Variants in FBRSL1 observed in about 807,000 individuals in gnomAD.
FBRSL1 encodes the protein fibrosin-1-like protein.
Under a neutral mutation model 89.6 loss-of-function variants are expected in FBRSL1, and 51 were observed. That is an observed-to-expected ratio of 0.57 (90% CI 0.45 to 0.72). The LOEUF (loss-of-function observed/expected upper bound fraction) is 0.72. Among genes scored for constraint, FBRSL1 ranks in the 30% least tolerant of loss-of-function variants. The probability of loss-of-function intolerance (pLI) is 0.00; values close to 1 mark genes in which losing one functional copy is unlikely to be tolerated. For missense variants in FBRSL1, 1,618 were observed against 1,451.8 expected (o/e 1.11, Z -1.86); for synonymous variants, 779 against 681.1 (o/e 1.14, Z -2.24).
At chr12:132,536,772 T>A (rs2036790465) in intron 4 of FBRSL1, among the ~76,000 whole-genome samples, 1 of 152,212 alleles carries the variant, frequency 6.6e-6, no homozygotes, top group African/African-American at 2.4e-5. Context: ...ATGGTGTGTG[T>A]GAGTGCACAT....
At chr12:132,522,186 G>A (rs1017912931) in intron 2 of FBRSL1, among the ~76,000 whole-genome samples, 16 of 152,148 alleles carry the variant, frequency 1.1e-4, no homozygotes, top group South Asian at 2.1e-4. Context: ...GCTGGCTCCC[G>A]TCTCTCTGGC....
At chr12:132,544,051 G>A (rs772254704) in intron 4 of FBRSL1, among the ~76,000 whole-genome samples, 5 of 152,200 alleles carry the variant, frequency 3.3e-5, no homozygotes, top group Admixed American at 1.3e-4. Context: ...CAGGAGGAAG[G>A]AACAGAGCCC....
chr12:132,497,505 G>T (rs1321394616), intron 1 of FBRSL1, among the ~76,000 whole-genome samples: 2 of 152,056 alleles, frequency 1.3e-5, no homozygotes, highest in Non-Finnish European at 2.9e-5. Context: ...GTCCCAGGCT[G>T]CCCCCTCCCT....
chr12:132,572,719 C>A, intron 11 of FBRSL1, 97 bp downstream of exon 11: 1 of 846,260 alleles, frequency 1.2e-6, no homozygotes, highest in Non-Finnish European at 1.9e-6. Flanking sequence ...CCACAACCAC[C>A]CCCCTTTCCC....
chr12:132,584,817 TTTACACACACAC>T lies in FBRSL1; in HGVS notation c.*1040_*1051del, dbSNP rs1423321909. ...GAAGTGCAAGAGTCTAAAGGCTGAT[TTTACACACACAC>T]ACACACACACACACACACACACAAA... On this transcript the variant is annotated 3_prime_UTR_variant, in exon 19 of 19. Coordinates refer to ENST00000680143, the MANE Select transcript of FBRSL1 (RefSeq NM_001367871.1). 7.1e-4 allele frequency: 86 copies of T among 121,584 alleles called. 2 individuals carry two copies. Among genetic ancestry groups the T allele is most frequent in the Middle Eastern group, 4.5e-3 (1 of 222 alleles). The allele number at this position is 121,584 out of a possible 1,614,324, so 7.5% of individuals were successfully genotyped here.
chr12:132,499,820 C>T lies in FBRSL1; in HGVS notation c.292-8333C>T, dbSNP rs577030050. 2.6e-5 allele frequency among the ~76,000 whole-genome samples: 4 copies of T among 152,186 alleles called. No homozygotes were observed. In the East Asian group the frequency reaches 5.8e-4, roughly 22 times the overall value. ...CTTGGTTCCACGTACCTGTGGAGGA[C>T]GGCAGGCGTCCTCAGGAGTGTGAGG... On this transcript the variant is annotated intron_variant, in intron 1 of 18. Transcript: ENST00000680143. This position sits in a 1 kb window ranked among gnomAD's most constrained non-coding sequence, Gnocchi z 4.3.
chr12:132,582,923 G>A, intron 18 of FBRSL1, 48 bp from the exon 19 acceptor site: 3 of 1,331,204 alleles, frequency 2.3e-6, no homozygotes, highest in South Asian at 1.7e-5. Context: ...TGCGCCGCGC[G>A]GCAGGACGGA....
chr12:132,581,064 T>G (rs573715846), intron 15 of FBRSL1: 1 of 985,318 alleles, frequency 1.0e-6, no homozygotes, highest in African/African-American at 1.7e-5. Context: ...GGACCATCTA[T>G]CAGCTCCCAG....
At chr12:132,565,532 T>TACACGTACCCAAGTGTGCTCAC (rs1248376334) in intron 5 of FBRSL1, 2 of 151,514 alleles carry the variant, frequency 1.3e-5, no homozygotes, top group Non-Finnish European at 2.9e-5. Context: ...AGTGTGCTCA[T>TACACGTACCCAAGTGTGCTCAC]GTACACGTAC....
intron 2 of FBRSL1, chr12:132,511,669 T>C (rs3751298): frequency 0.77 from 753,258 of 983,914 alleles, 275,119 homozygotes; most frequent in South Asian, 0.84. Context: ...CCAGCTGGGC[T>C]GCCTCAGGTG....
At chr12:132,503,296 G>A (rs770565345) in intron 1 of FBRSL1, among the ~76,000 whole-genome samples, 65 of 152,234 alleles carry the variant, frequency 4.3e-4, no homozygotes, top group Non-Finnish European at 7.3e-4. Flanking sequence ...CCGCAAGCCC[G>A]CAGGACCACA....
At position 132,491,679 on chromosome 12, in the gene FBRSL1, C is replaced by T. The variant is rs543577866; in HGVS notation, c.291+818C>T. ...TTCCAGGGGCTTGGGAGCCCATGGCCTGGGATCCCCCAGTCTCAGAAGCTG... is the reference window on the plus strand; with the variant it reads ...TTCCAGGGGCTTGGGAGCCCATGGCTTGGGATCCCCCAGTCTCAGAAGCTG... On this transcript the variant is annotated intron_variant, in intron 1 of 18. Coordinates refer to ENST00000680143, the MANE Select transcript of FBRSL1 (RefSeq NM_001367871.1). Among the ~76,000 whole-genome samples the T allele has an allele frequency of 2.6e-5, 4 of 152,354 alleles. No individual in the cohort carries two copies. In the East Asian group the frequency reaches 7.7e-4, roughly 29 times the overall value.
chr12:132,584,378 G>C lies in FBRSL1; in HGVS notation c.*600G>C, dbSNP rs866760961. The C allele has an allele frequency of 6.6e-6, 1 of 152,148 alleles. No homozygotes were observed. Among genetic ancestry groups the C allele is most frequent in the African/African-American group, 2.4e-5 (1 of 41,420 alleles). 9.4% of individuals were successfully genotyped at this position (152,148 alleles called of 1,614,324 possible). On this transcript the variant is annotated 3_prime_UTR_variant, in exon 19 of 19. Coordinates refer to ENST00000680143, the MANE Select transcript of FBRSL1 (RefSeq NM_001367871.1). ...TAAAAGCAAACGAAACGTGTAAATA[G>C]TCTGTTGATATAAATATATGACGTT...
intron 4 of FBRSL1, among the ~76,000 whole-genome samples, chr12:132,532,165 TGA>T (rs2036343296): frequency 7.1e-6 from 1 of 141,224 alleles, no homozygotes; most frequent in East Asian, 2.0e-4. Context: ...GGAGCCAGAG[TGA>T]GGGGCTGGGT....
At position 132,574,392 on chromosome 12, in the gene FBRSL1, TG is replaced by T. The variant is rs1186033510; in HGVS notation, c.1629+45del. 3 of 1,549,320 alleles carry T rather than the reference TG, an allele frequency of 1.9e-6. No individual in the cohort carries two copies. The African/African-American group carries it at 4.1e-5, about 21-fold the overall frequency. On this transcript the variant is annotated intron_variant, in intron 13 of 18. Transcript: ENST00000680143. Reference sequence around the variant, plus strand: ...GGCCCGTGGCAAGGGAGGACTCTGGTGCCCCCGGGGCGGCCTCGGGGGGCCC... The same window carrying T: ...GGCCCGTGGCAAGGGAGGACTCTGGTCCCCCGGGGCGGCCTCGGGGGGCCC...
intron 2 of FBRSL1, among the ~76,000 whole-genome samples, chr12:132,519,385 G>T (rs1051773183): frequency 6.6e-6 from 1 of 152,196 alleles, no homozygotes; most frequent in African/African-American, 2.4e-5. Flanking sequence ...CGTGGTGTTA[G>T]CCTGGAGGAG....
At chr12:132,565,772 A>G (rs2039569656) in intron 5 of FBRSL1, 1 of 152,182 alleles carries the variant, frequency 6.6e-6, no homozygotes, top group Non-Finnish European at 1.5e-5. Context: ...CAGGGTACAC[A>G]CTGCAGTGTG....
chr12:132,531,332 G>T (rs138121040), intron 4 of FBRSL1, among the ~76,000 whole-genome samples: 40 of 152,254 alleles, frequency 2.6e-4, no homozygotes, highest in Non-Finnish European at 4.0e-4. Flanking sequence ...CTCCTGGGTT[G>T]CTCCCTAGGC....
At chr12:132,533,953 C>T (rs2036510722) in intron 4 of FBRSL1, among the ~76,000 whole-genome samples, 1 of 152,184 alleles carries the variant, frequency 6.6e-6, no homozygotes, top group Admixed American at 6.5e-5. Context: ...TGTGCAGAAC[C>T]TGAGGCGGGT....
Sources: allele counts gnomAD v4.1 joint callset (sites outside exome capture counted in the v4.1 genomes callset), GRCh38; gene constraint gnomAD v4.1.1; non-coding constraint Gnocchi (gnomAD v3.1); transcripts MANE v1.5; gene names NCBI Gene and HGNC (gene_info 2026-07-23, HGNC 2026-07-21).